RAD51B: variants seen among roughly 807,000 people sequenced by gnomAD.
RAD51B encodes RAD51 paralog B.
RAD51B carries 38 observed loss-of-function variants against 42.2 expected under a neutral mutation model. The ratio of observed to expected loss-of-function variants is 0.90; its 90% CI spans 0.70 to 1.18. The LOEUF (loss-of-function observed/expected upper bound fraction) is 1.18, where lower values mean the gene tolerates loss of function less well. RAD51B is among the 50% of genes most tolerant of loss of function. The pLI is 0.00. For missense variants in RAD51B, 373 were observed against 400.7 expected (o/e 0.93, Z 0.59); for synonymous variants, 154 against 145.2 (o/e 1.06, Z -0.43).
intron 10 of RAD51B, among the ~76,000 whole-genome samples, chr14:68,500,603 G>A (rs970155965): frequency 7.2e-5 from 11 of 152,244 alleles, no homozygotes; most frequent in African/African-American, 2.7e-4. Context: ...AATGAAGGTT[G>A]CTGAGATGAC....
chr14:68,616,054 T>A (rs1382117564), downstream of RAD51B, among the ~76,000 whole-genome samples: 2 of 152,216 alleles, frequency 1.3e-5, no homozygotes, highest in African/African-American at 4.8e-5. Context: ...ATCTAGACCA[T>A]TGACTTTTAG....
chr14:68,143,029 AG>A lies in RAD51B; in HGVS notation c.757-148854del, dbSNP rs201784062. On this transcript the variant is annotated intron_variant, in intron 7 of 10. Coordinates refer to ENST00000471583, the MANE Select transcript of RAD51B (RefSeq NM_133510.4). ...GCGGAGGGCGAGGGGGTGGGGGGGG[AG>A]TTATTATGCTGTCTGAGATGGAGTC... Among the ~76,000 whole-genome samples, 1,097 of 146,966 alleles carry A rather than the reference AG, an allele frequency of 7.5e-3. 12 individuals carry two copies. The highest frequency in any genetic ancestry group is 0.022 in the African/African-American group (875 of 39,244).
chr14:68,619,113 T>A (rs1223401716), intron 10 of RAD51B, among the ~76,000 whole-genome samples: 2 of 152,192 alleles, frequency 1.3e-5, no homozygotes, highest in East Asian at 1.9e-4. Context: ...TCCTGACACA[T>A]GCTCCCTGGA....
chr14:67,971,731 C>G (rs550214310), intron 7 of RAD51B, among the ~76,000 whole-genome samples: 2 of 151,996 alleles, frequency 1.3e-5, no homozygotes, highest in South Asian at 4.2e-4. Flanking sequence ...GTCATCCTCC[C>G]TCAGGGGGAA....
intron 7 of RAD51B, among the ~76,000 whole-genome samples, chr14:67,966,566 A>G (rs1334930662): frequency 6.6e-6 from 1 of 152,170 alleles, no homozygotes; most frequent in Non-Finnish European, 1.5e-5. Context: ...CTACCCACCA[A>G]TGCCAGAAAA....
intron 10 of RAD51B, among the ~76,000 whole-genome samples, chr14:68,530,500 A>G (rs1887232272): frequency 6.7e-6 from 1 of 150,200 alleles, no homozygotes; most frequent in African/African-American, 2.4e-5. Flanking sequence ...CAAAGTTACC[A>G]GGGAGAAAAG....
intron 7 of RAD51B, among the ~76,000 whole-genome samples, chr14:68,291,446 C>A (rs1321142799): frequency 6.6e-6 from 1 of 152,050 alleles, no homozygotes; most frequent in East Asian, 1.9e-4. Context: ...AGGTGATCCG[C>A]CTGCCTCAGC....
rs80099057 is a variant in RAD51B at position 67,848,762 on chromosome 14, T to A, written c.315+13566T>A. ...TGTTTAGCATTTCCTGAAGGACCTC[T>A]TATAAGGCTGTTCTAGTTGAAACAA... On this transcript the variant is annotated intron_variant, in intron 4 of 10. Transcript: ENST00000471583. 5.7e-3 allele frequency among the ~76,000 whole-genome samples: 863 copies of A among 152,344 alleles called. 10 individuals are homozygous for A. The highest frequency in any genetic ancestry group is 0.02 in the African/African-American group (825 of 41,562).
intron 8 of RAD51B, among the ~76,000 whole-genome samples, chr14:68,312,907 A>T (rs920334736): frequency 1.3e-5 from 2 of 152,210 alleles, no homozygotes; most frequent in African/African-American, 4.8e-5. Context: ...TGGTCTATTG[A>T]TGCAAAATAC....
intron 10 of RAD51B, among the ~76,000 whole-genome samples, chr14:68,570,240 C>T (rs1432210094): frequency 1.3e-5 from 2 of 152,128 alleles, no homozygotes; most frequent in Admixed American, 6.5e-5. Context: ...CAGGGACTAC[C>T]CAGAGGGCTG....
chr14:68,469,407 G>T (rs192613004), intron 10 of RAD51B, among the ~76,000 whole-genome samples: 106 of 152,330 alleles, frequency 7.0e-4, no homozygotes, highest in Non-Finnish European at 1.4e-3. Flanking sequence ...CGGCATGTTT[G>T]TTTGGTGCAG....
At chr14:68,434,705 GC>G (rs1351062364) in intron 9 of RAD51B, among the ~76,000 whole-genome samples, 1 of 152,210 alleles carries the variant, frequency 6.6e-6, no homozygotes, top group African/African-American at 2.4e-5. Context: ...GTGAGGCGAT[GC>G]CTCGCCCTGC....
At chr14:68,122,722 G>A (rs539429012) in intron 7 of RAD51B, among the ~76,000 whole-genome samples, 3 of 152,270 alleles carry the variant, frequency 2.0e-5, no homozygotes, top group South Asian at 4.2e-4. Flanking sequence ...TGAGCAAAAT[G>A]ACTGACATAA....
At chr14:67,936,009 A>G (rs990678140) in intron 7 of RAD51B, among the ~76,000 whole-genome samples, 5 of 152,200 alleles carry the variant, frequency 3.3e-5, no homozygotes, top group African/African-American at 9.7e-5. Flanking sequence ...TTATTAATAG[A>G]CCTTTTTAGA....
chr14:68,055,721 C>T (rs1039079073), intron 7 of RAD51B, among the ~76,000 whole-genome samples: 6 of 152,126 alleles, frequency 3.9e-5, no homozygotes, highest in African/African-American at 7.2e-5. Flanking sequence ...TAATGAAACA[C>T]GCATCTGACA....
intron 8 of RAD51B, among the ~76,000 whole-genome samples, chr14:68,302,502 G>GTGTAGA (rs71129874): frequency 8.6e-5 from 13 of 152,022 alleles, no homozygotes; most frequent in African/African-American, 1.7e-4. Context: ...TCCAGGCAGG[G>GTGTAGA]GCCGGATTGC....
intron 3 of RAD51B, among the ~76,000 whole-genome samples, chr14:67,834,508 C>T (rs915016873): frequency 1.3e-5 from 2 of 152,104 alleles, no homozygotes; most frequent in African/African-American, 4.8e-5. Context: ...TTCAACAGAG[C>T]TGTTTATGGT....
At chr14:68,554,679 C>T (rs992908902) in intron 10 of RAD51B, among the ~76,000 whole-genome samples, 2 of 152,044 alleles carry the variant, frequency 1.3e-5, no homozygotes, top group African/African-American at 4.8e-5. Context: ...GTATTTCATT[C>T]ATTTTCTTGT....
At chr14:68,431,299 T>C (rs937709416) in intron 9 of RAD51B, among the ~76,000 whole-genome samples, 1 of 152,216 alleles carries the variant, frequency 6.6e-6, no homozygotes, top group Non-Finnish European at 1.5e-5. Context: ...TCTTTTTCTA[T>C]TGATTGGAAT....
Sources: gnomAD v4.1 joint callset for allele counts (sites outside exome capture counted in the v4.1 genomes callset) on GRCh38, gnomAD v4.1.1 for gene constraint, MANE v1.5 for transcripts, NCBI Gene and HGNC (gene_info 2026-07-23, HGNC 2026-07-21) for gene names.